Variants in SLC1A1 observed in about 807,000 individuals in gnomAD.
SLC1A1 encodes the protein excitatory amino acid transporter 3.
A neutral mutation model predicts 53.3 loss-of-function variants in SLC1A1; 43 were observed. That is an observed-to-expected ratio of 0.81 (90% confidence interval 0.63 to 1.04). SLC1A1 has a LOEUF of 1.04. Ranked by LOEUF, SLC1A1 falls within the 50% of genes least tolerant of loss-of-function variation. SLC1A1 has a pLI of 0.00. For synonymous variants in SLC1A1, 307 were observed against 243.2 expected (o/e 1.26, Z -2.44); for missense variants, 748 against 664.9 (o/e 1.12, Z -1.37).
intron 6 of SLC1A1, 132 bp from the exon 7 acceptor site, chr9:4,572,072 A>G (rs2129772710): frequency 1.3e-6 from 1 of 758,742 alleles, no homozygotes; most frequent in East Asian, 2.5e-5. Flanking sequence ...TATTTTCTAT[A>G]GTTTTGTTGA....
rs1820617940 is a variant in SLC1A1 at position 4,501,187 on chromosome 9, ATTTTG to A, written c.91+10428_91+10432del. 2.0e-5 allele frequency among the ~76,000 whole-genome samples: 3 copies of A among 148,366 alleles called. No homozygotes were observed. In the South Asian group the frequency reaches 6.2e-4, roughly 31 times the overall value. On this transcript the variant is annotated intron_variant, in intron 1 of 11. Transcript: ENST00000262352. ...GAAAGTGTTTTAAATGGCCTTTTCT[ATTTTG>A]TTTTGTTTTGAGACAGAGTCTCACT...
At chr9:4,537,045 G>T (rs926235457) in intron 1 of SLC1A1, among the ~76,000 whole-genome samples, 1 of 151,422 alleles carries the variant, frequency 6.6e-6, no homozygotes, top group Non-Finnish European at 1.5e-5. Context: ...GCCTGTTGTG[G>T]AGTGGGGGGA....
At chr9:4,547,319 G>A (rs1362269455) in intron 2 of SLC1A1, among the ~76,000 whole-genome samples, 1 of 152,186 alleles carries the variant, frequency 6.6e-6, no homozygotes, top group African/African-American at 2.4e-5. Flanking sequence ...CTATAGCATG[G>A]ATCAAGTAGT....
chr9:4,580,581 TGG>T (rs1182714066), intron 10 of SLC1A1, among the ~76,000 whole-genome samples: 1 of 125,640 alleles, frequency 8.0e-6, no homozygotes, highest in Non-Finnish European at 1.6e-5. Flanking sequence ...ACCTTGTCTC[TGG>T]AAAAAAAAAA....
rs781445920 is a variant in SLC1A1, at chr9:4,587,235, A to T, written c.*1677A>T. 13 of 152,398 alleles carry T rather than the reference A, an allele frequency of 8.5e-5. No individual in the cohort carries two copies. Among genetic ancestry groups the T allele is most frequent in the Non-Finnish European group, 1.9e-4 (13 of 68,048 alleles). The allele number at this position is 152,398 out of a possible 1,614,324, so 9.4% of individuals were successfully genotyped here. A position where few individuals can be genotyped will look rare whatever the true frequency, so the allele number is the denominator to read the frequency against. Reference sequence around the variant, plus strand: ...TAAAATGCAAATATTGCTATTGTTTATAGGAAATAAATCTAAATATAAATG... The same window carrying T: ...TAAAATGCAAATATTGCTATTGTTTTTAGGAAATAAATCTAAATATAAATG... On this transcript the variant is annotated 3_prime_UTR_variant, in exon 12 of 12. Coordinates refer to ENST00000262352, the MANE Select transcript of SLC1A1 (RefSeq NM_004170.6).
chr9:4,582,708 C>A (rs1821210814), intron 10 of SLC1A1, among the ~76,000 whole-genome samples: 1 of 152,168 alleles, frequency 6.6e-6, no homozygotes, highest in South Asian at 2.1e-4. Context: ...CCTATTAACA[C>A]CCCATTTAGT....
intron 7 of SLC1A1, among the ~76,000 whole-genome samples, chr9:4,572,976 G>C (rs1447576238): frequency 6.6e-6 from 1 of 152,198 alleles, no homozygotes; most frequent in Non-Finnish European, 1.5e-5. Context: ...CAGCCTTCGT[G>C]TAAGAAGTAA....
chr9:4,558,443 A>G (rs1466318499), intron 2 of SLC1A1, among the ~76,000 whole-genome samples: 1 of 152,182 alleles, frequency 6.6e-6, no homozygotes, highest in Non-Finnish European at 1.5e-5. Flanking sequence ...GGATTAGAGG[A>G]ATGGGAAACA....
chr9:4,585,834 A>T lies in SLC1A1; in HGVS notation c.*276A>T. The T allele has an allele frequency of 2.2e-6, 1 of 456,324 alleles. No individual in the cohort carries two copies. The highest frequency in any genetic ancestry group is 6.5e-4 in the Middle Eastern group (1 of 1,550). The allele number at this position is 456,324 out of a possible 1,614,324, so 28.3% of individuals were successfully genotyped here. A position where few individuals can be genotyped will look rare whatever the true frequency, so the allele number is the denominator to read the frequency against. On this transcript the variant is annotated 3_prime_UTR_variant, in exon 12 of 12. Coordinates refer to ENST00000262352, the MANE Select transcript of SLC1A1 (RefSeq NM_004170.6). ...AGAGACAAAGTTTGGAAGTACATAA[A>T]GTAATAACTGTTAGAATTAGGTAAT... is the stretch of plus-strand genomic sequence containing the variant.
intron 1 of SLC1A1, among the ~76,000 whole-genome samples, chr9:4,492,395 T>C (rs1340228893): frequency 2.0e-5 from 3 of 150,814 alleles, no homozygotes; most frequent in African/African-American, 7.3e-5. Flanking sequence ...GGCAGGAGAA[T>C]TGCTTGAACC....
chr9:4,519,896 G>C (rs1364869333), intron 1 of SLC1A1, among the ~76,000 whole-genome samples: 2 of 152,158 alleles, frequency 1.3e-5, no homozygotes, highest in African/African-American at 4.8e-5. Flanking sequence ...TGTATGCACA[G>C]GTATGCAAGT....
At chr9:4,498,354 T>C (rs1255557882) in intron 1 of SLC1A1, among the ~76,000 whole-genome samples, 1 of 152,224 alleles carries the variant, frequency 6.6e-6, no homozygotes, top group African/African-American at 2.4e-5. Flanking sequence ...ACAACAGTAA[T>C]AGAAGGTCTA....
At chr9:4,547,867 A>T (rs184678966) in intron 2 of SLC1A1, among the ~76,000 whole-genome samples, 1 of 151,074 alleles carries the variant, frequency 6.6e-6, no homozygotes, top group East Asian at 1.9e-4. Context: ...CTTGTCTTAG[A>T]ATCATATTTA....
At chr9:4,546,931 G>A (rs192383068) in intron 2 of SLC1A1, among the ~76,000 whole-genome samples, 82 of 152,352 alleles carry the variant, frequency 5.4e-4, no homozygotes, top group Admixed American at 2.6e-3. Context: ...TAAACCACCT[G>A]ATGAGCAATA....
chr9:4,509,615 G>A (rs1249844651), intron 1 of SLC1A1, among the ~76,000 whole-genome samples: 1 of 151,946 alleles, frequency 6.6e-6, no homozygotes, highest in Non-Finnish European at 1.5e-5. Flanking sequence ...TACAGCTACT[G>A]CCTCTCATTT....
At chr9:4,514,529 G>C (rs974057413) in intron 1 of SLC1A1, among the ~76,000 whole-genome samples, 4 of 152,132 alleles carry the variant, frequency 2.6e-5, no homozygotes, top group African/African-American at 7.2e-5. Flanking sequence ...AATACACTTG[G>C]GCTGAGTTTT....
At chr9:4,585,189 T>A in intron 11 of SLC1A1, 123 bp from the exon 12 acceptor site, 1 of 1,322,076 alleles carries the variant, frequency 7.6e-7, no homozygotes, top group Non-Finnish European at 1.1e-6. Context: ...CAGTCAGCCA[T>A]GAGGACAGCA....
chr9:4,514,253 G>C (rs1345900966), intron 1 of SLC1A1, among the ~76,000 whole-genome samples: 1 of 152,180 alleles, frequency 6.6e-6, no homozygotes, highest in African/African-American at 2.4e-5. Context: ...TCCAGCATTT[G>C]CAAGAGAGGG....
At chr9:4,557,329 G>T (rs1319399091) in intron 2 of SLC1A1, among the ~76,000 whole-genome samples, 1 of 152,214 alleles carries the variant, frequency 6.6e-6, no homozygotes, top group African/African-American at 2.4e-5. Flanking sequence ...GCCCATGCTT[G>T]CAAGGCAAAG....
Sources: allele counts gnomAD v4.1 joint callset (sites outside exome capture counted in the v4.1 genomes callset), GRCh38; gene constraint gnomAD v4.1.1; transcripts MANE v1.5; gene names NCBI Gene and HGNC (gene_info 2026-07-23, HGNC 2026-07-21).